The following FSTL4 variants were observed in gnomAD, a reference collection of about 807,000 sequenced individuals.
FSTL4 encodes the protein follistatin like 4, also known as follistatin-related protein 4.
A neutral mutation model predicts 78.2 loss-of-function variants in FSTL4; 28 were observed. The ratio of observed to expected loss-of-function variants is 0.36; its 90% CI spans 0.27 to 0.49. The LOEUF (loss-of-function observed/expected upper bound fraction) is 0.49. Among genes scored for constraint, FSTL4 ranks in the 20% least tolerant of loss-of-function variants. FSTL4 has a pLI of 0.98. For missense variants in FSTL4, 922 were observed against 1,084.9 expected, an observed-to-expected ratio of 0.85 and a Z score of 2.11; for synonymous variants, 422 against 440.5, an observed-to-expected ratio of 0.96 and a Z score of 0.53.
chr5:133,604,650 A>C (rs1760938649), intron 1 of FSTL4, among the ~76,000 whole-genome samples: 1 of 152,148 alleles, frequency 6.6e-6, no homozygotes, highest in Non-Finnish European at 1.5e-5. Context: ...CGGAGGTTGC[A>C]GTGAGCCGAG....
At chr5:133,369,672 C>G (rs189246980) in intron 4 of FSTL4, among the ~76,000 whole-genome samples, 1 of 152,286 alleles carries the variant, frequency 6.6e-6, no homozygotes, top group Non-Finnish European at 1.5e-5. Context: ...TAGGTGGGCC[C>G]CATTCTGACA....
In FSTL4 at chr5:133,249,468, G is replaced by A. The variant is rs201719850; in HGVS notation, c.836C>T (p.Pro279Leu). ...GAGCCCGTTGCGCTTCCAGATGATT[G>A]GTGGCCTCAGGTCTCCATGGACGGC... ...TCAVHGDLRP[P>L]IIWKRNGLTL... is the part of the protein sequence containing the mutation. The change falls in exon 7 of 16, where the codon CCA becomes CTA. Residue 279 changes from proline to leucine, a missense_variant. Pro to Leu is a moderately conservative substitution (Grantham distance 98). Transcript: ENST00000265342. The A allele has an allele frequency of 6.2e-7, 1 of 1,613,742 alleles. No individual in the cohort carries two copies. The highest frequency in any genetic ancestry group is 1.1e-5 in the South Asian group (1 of 91,064).
chr5:133,271,155 T>A (rs1282450594), intron 6 of FSTL4, among the ~76,000 whole-genome samples: 1 of 152,204 alleles, frequency 6.6e-6, no homozygotes, highest in Non-Finnish European at 1.5e-5. Context: ...TTCCTTTCGA[T>A]GGCTCTTAAT....
chr5:133,314,239 C>T (rs1753850254), intron 5 of FSTL4, among the ~76,000 whole-genome samples: 1 of 152,240 alleles, frequency 6.6e-6, no homozygotes, highest in African/African-American at 2.4e-5. Flanking sequence ...CCCAGAGCAG[C>T]CTGAGTCACC....
intron 3 of FSTL4, among the ~76,000 whole-genome samples, chr5:133,421,907 G>A (rs1404008257): frequency 7.9e-5 from 12 of 152,192 alleles, no homozygotes; most frequent in Admixed American, 7.2e-4. Context: ...AGACAGGCGG[G>A]AAGTGATAAG....
intron 6 of FSTL4, among the ~76,000 whole-genome samples, chr5:133,260,258 T>C (rs1581576837): frequency 6.6e-6 from 1 of 151,922 alleles, no homozygotes; most frequent in Non-Finnish European, 1.5e-5. Flanking sequence ...CCTCTCCAAA[T>C]GGGGGACTGT....
intron 3 of FSTL4, among the ~76,000 whole-genome samples, chr5:133,401,684 G>GT (rs1396451887): frequency 2.0e-5 from 3 of 152,350 alleles, no homozygotes; most frequent in Non-Finnish European, 4.4e-5. Flanking sequence ...TTTGGAAGAA[G>GT]TAACTGGGAG....
chr5:133,497,246 C>T (rs1190811393), intron 3 of FSTL4, among the ~76,000 whole-genome samples: 4 of 152,242 alleles, frequency 2.6e-5, no homozygotes, highest in African/African-American at 9.6e-5. Flanking sequence ...GGCTCAGGCA[C>T]ATCTGAGTTC....
chr5:133,466,781 T>C (rs948009471), intron 3 of FSTL4, among the ~76,000 whole-genome samples: 2 of 152,118 alleles, frequency 1.3e-5, no homozygotes, highest in South Asian at 2.1e-4. Flanking sequence ...CAGTGTGAAA[T>C]TGAGATAAGT....
At chr5:133,597,876 G>A (rs145210248) in intron 2 of FSTL4, among the ~76,000 whole-genome samples, 17 of 152,262 alleles carry the variant, frequency 1.1e-4, no homozygotes, top group Non-Finnish European at 2.4e-4. Flanking sequence ...AAGTGAGTGC[G>A]CTGTTGGTCC....
intron 6 of FSTL4, among the ~76,000 whole-genome samples, chr5:133,307,064 A>G (rs990948825): frequency 3.5e-4 from 53 of 152,308 alleles, no homozygotes; most frequent in African/African-American, 1.3e-3. Flanking sequence ...CATTTTACAG[A>G]TGGGAAAATT....
chr5:133,441,717 T>C (rs1238925641), intron 3 of FSTL4, among the ~76,000 whole-genome samples: 1 of 152,116 alleles, frequency 6.6e-6, no homozygotes, highest in Non-Finnish European at 1.5e-5. Flanking sequence ...ACTCCAGCAA[T>C]GTTGCCACCA....
chr5:133,779,090 A>G, the FSTL4 span, among the ~76,000 whole-genome samples: 8 of 152,186 alleles, frequency 5.3e-5, no homozygotes, highest in Admixed American at 3.9e-4. Context: ...TAGACCTGCT[A>G]TGACTTTGGG....
chr5:133,590,132 A>G (rs1443011807), intron 2 of FSTL4, among the ~76,000 whole-genome samples: 1 of 119,354 alleles, frequency 8.4e-6, no homozygotes, highest in East Asian at 2.5e-4. Context: ...TTTGAGACAC[A>G]GTCTTGCTCT....
chr5:133,239,270 G>A (rs973535578), intron 7 of FSTL4, among the ~76,000 whole-genome samples: 3 of 120,800 alleles, frequency 2.5e-5, no homozygotes, highest in Non-Finnish European at 5.1e-5. Flanking sequence ...TGCGCAGCCT[G>A]AGCCTCCCAG....
At chr5:133,235,806 A>G (rs755463727) in intron 7 of FSTL4, among the ~76,000 whole-genome samples, 9 of 152,224 alleles carry the variant, frequency 5.9e-5, no homozygotes, top group Admixed American at 1.3e-4. Context: ...GTCCTGTATC[A>G]TAAGAGTCAT....
Position 133,386,737 on chromosome 5 carries a change from G to A in FSTL4, c.409+14001C>T, listed in dbSNP as rs1178423882. 3.9e-5 allele frequency among the ~76,000 whole-genome samples: 6 copies of A among 152,284 alleles called. No homozygotes were observed. The South Asian group carries it at 6.2e-4, about 16-fold the overall frequency. Reference sequence around the variant, plus strand: ...GGCGAGAAGGAACCCAGGCAGAAGTGGAGAGACAGAAAGGTGTGACCGAGA... The same window carrying A: ...GGCGAGAAGGAACCCAGGCAGAAGTAGAGAGACAGAAAGGTGTGACCGAGA... On this transcript the variant is annotated intron_variant, in intron 4 of 15. Transcript: ENST00000265342.
chr5:133,803,834 C>T, the FSTL4 span, among the ~76,000 whole-genome samples: 1 of 152,258 alleles, frequency 6.6e-6, no homozygotes, highest in Non-Finnish European at 1.5e-5. Flanking sequence ...CCCAGGAGTC[C>T]CATATCTGCA....
chr5:133,434,565 C>T (rs1202549308), intron 3 of FSTL4, among the ~76,000 whole-genome samples: 2 of 152,188 alleles, frequency 1.3e-5, no homozygotes, highest in African/African-American at 4.8e-5. Flanking sequence ...AACAAAGCTA[C>T]AGTAAACATC....
Sources: gnomAD v4.1 joint callset for allele counts (sites outside exome capture counted in the v4.1 genomes callset) on GRCh38, gnomAD v4.1.1 for gene constraint, MANE v1.5 for transcripts, NCBI Gene and HGNC (gene_info 2026-07-23, HGNC 2026-07-21) for gene names.